ZNF518B: variants seen among roughly 807,000 people sequenced by gnomAD.
ZNF518B encodes zinc finger protein 518B.
Under a neutral mutation model 56.3 loss-of-function variants are expected in ZNF518B, and 23 were observed. The observed-to-expected ratio is 0.41, with a 90% CI of 0.29 to 0.58. The LOEUF (loss-of-function observed/expected upper bound fraction) is 0.58, where lower values mean the gene tolerates loss of function less well. ZNF518B is among the 20% of genes least tolerant of loss of function. The probability of loss-of-function intolerance (pLI) is 0.32; values close to 1 mark genes in which losing one functional copy is unlikely to be tolerated. For synonymous variants in ZNF518B, 529 were observed against 465.9 expected, an observed-to-expected ratio of 1.14 and a Z score of -1.74; for missense variants, 1,460 against 1,272.1, an observed-to-expected ratio of 1.15 and a Z score of -2.25.
chr4:10,441,439 G>GAAGA lies in ZNF518B; in HGVS notation c.*1664_*1665insTCTT, dbSNP rs1553830886. The GAAGA allele has an allele frequency of 1.4e-5, 2 of 140,116 alleles. No homozygotes were observed. The highest frequency in any genetic ancestry group is 2.1e-4 in the East Asian group (1 of 4,846). The allele number at this position is 140,116 out of a possible 1,614,324, so 8.7% of individuals were successfully genotyped here. ...ACTGGAATCTAAGACTTTCCCATGTGAAAAAAAAAAAAAAAAATCAAAGTC... is the reference window on the plus strand; with the variant it reads ...ACTGGAATCTAAGACTTTCCCATGTGAAGAAAAAAAAAAAAAAAAAATCAAAGTC... On this transcript the variant is annotated 3_prime_UTR_variant, in exon 3 of 3. Coordinates refer to ENST00000326756, the MANE Select transcript of ZNF518B (RefSeq NM_053042.3).
intron 2 of ZNF518B, among the ~76,000 whole-genome samples, chr4:10,447,646 C>CT (rs1443157786): frequency 8.6e-6 from 1 of 115,684 alleles, no homozygotes; most frequent in African/African-American, 3.4e-5. Context: ...CACAGAGTGA[C>CT]CTTTTTTTTT....
In ZNF518B at chr4:10,442,229, T is replaced by C. The variant is rs530069185; in HGVS notation, c.*875A>G. ...ACAACTTTATGAGCCTACCTTGAACTGTGTTTGCGAGTTTTACCTATGTTG... is the reference window on the plus strand; with the variant it reads ...ACAACTTTATGAGCCTACCTTGAACCGTGTTTGCGAGTTTTACCTATGTTG... On this transcript the variant is annotated 3_prime_UTR_variant, in exon 3 of 3. Coordinates refer to ENST00000326756, the MANE Select transcript of ZNF518B (RefSeq NM_053042.3). The C allele has an allele frequency of 5.2e-5, 8 of 152,382 alleles. No homozygotes were observed. Among genetic ancestry groups the C allele is most frequent in the African/African-American group, 1.9e-4 (8 of 41,588 alleles). 9.4% of individuals were successfully genotyped at this position (152,382 alleles called of 1,614,324 possible).
At chr4:10,450,819 AT>A (rs1458362961) in intron 2 of ZNF518B, 2 of 152,236 alleles carry the variant, frequency 1.3e-5, no homozygotes, top group Admixed American at 6.5e-5. Flanking sequence ...AAGCCTCTGC[AT>A]TTGGCGTCTT....
intron 2 of ZNF518B, among the ~76,000 whole-genome samples, chr4:10,450,122 C>T (rs951073737): frequency 6.6e-6 from 1 of 152,162 alleles, no homozygotes; most frequent in African/African-American, 2.4e-5. Flanking sequence ...AAGGCAGAGT[C>T]TTGGAGAGGC....
rs1714825768 is a variant in ZNF518B, at chr4:10,444,016, T to C, written c.2313A>G (p.Leu771=). Residue 771 remains leucine, a synonymous_variant, in exon 3 of 3, where the codon TTA becomes TTG. Coordinates refer to ENST00000326756, the MANE Select transcript of ZNF518B (RefSeq NM_053042.3). The stretch of plus-strand genomic sequence containing the variant: ...CCCTCAACACAGCCCCTTTGGGGAT[T>C]AACACTGGCGTGGCAACATGAGCCT... ...ARKAHVATPV[L]IPKGAVLRVL... 3 of 1,614,186 alleles carry C rather than the reference T, an allele frequency of 1.9e-6. No individual in the cohort carries two copies. The highest frequency in any genetic ancestry group is 2.5e-6 in the Non-Finnish European group (3 of 1,180,038).
At chr4:10,459,842 G>A (rs746023854), upstream of ZNF518B, among the ~76,000 whole-genome samples, 4 of 152,132 alleles carry the variant, frequency 2.6e-5, no homozygotes, top group Non-Finnish European at 4.4e-5. Flanking sequence ...CTTCTGAGCC[G>A]ACAGAACTGT....
chr4:10,458,275 G>C (rs1034913487), upstream of ZNF518B, among the ~76,000 whole-genome samples: 1 of 152,156 alleles, frequency 6.6e-6, no homozygotes, highest in Non-Finnish European at 1.5e-5. Flanking sequence ...TGAGGCATGG[G>C]AGCAGCGTCA....
Position 10,443,377 on chromosome 4 carries a change from G to A in ZNF518B, c.2952C>T (p.Gly984=), listed in dbSNP as rs1203371550. ...VLSERTRCQL[G]IRRHHVRLTY... is the part of the protein sequence containing the mutation. The stretch of plus-strand genomic sequence containing the variant: ...TCAGGCGTACATGATGCCGTCTGAT[G>A]CCTAGCTGACACCTAGTCCTCTCTG... The change falls in exon 3 of 3, where the codon GGC becomes GGT. Residue 984 remains glycine (G), a synonymous_variant. Coordinates refer to ENST00000326756, the MANE Select transcript of ZNF518B (RefSeq NM_053042.3). 2 of 1,614,214 alleles carry A rather than the reference G, an allele frequency of 1.2e-6. No individual in the cohort carries two copies. Among genetic ancestry groups the A allele is most frequent in the Admixed American group, 1.7e-5 (1 of 60,028 alleles).
rs1000056824 is a variant in ZNF518B, at chr4:10,442,822, A to C, written c.*282T>G. ...CAGAAAACGGGGTGCTAAACAAAGA[A>C]AAGTCTCAGATCCCACTGAAAATCT... On this transcript the variant is annotated 3_prime_UTR_variant, in exon 3 of 3. Coordinates refer to ENST00000326756, the MANE Select transcript of ZNF518B (RefSeq NM_053042.3). 5.5e-6 allele frequency: 2 copies of C among 363,078 alleles called. No homozygotes were observed. Among genetic ancestry groups the C allele is most frequent in the African/African-American group, 4.1e-5 (2 of 49,068 alleles). 22.5% of individuals were successfully genotyped at this position (363,078 alleles called of 1,614,324 possible).
At chr4:10,449,459 T>C (rs1715207292) in intron 2 of ZNF518B, among the ~76,000 whole-genome samples, 1 of 152,198 alleles carries the variant, frequency 6.6e-6, no homozygotes, top group African/African-American at 2.4e-5. Flanking sequence ...ACCACTTCCC[T>C]CTATAGGCAG....
intron 2 of ZNF518B, chr4:10,451,041 C>T (rs1715281302): frequency 6.6e-6 from 1 of 152,202 alleles, no homozygotes; most frequent in African/African-American, 2.4e-5. Context: ...CGGTGTGTCA[C>T]AGATGTGCTC....
chr4:10,456,566 G>A (rs938101712), intron 1 of ZNF518B, among the ~76,000 whole-genome samples: 1 of 152,126 alleles, frequency 6.6e-6, no homozygotes, highest in Non-Finnish European at 1.5e-5. Flanking sequence ...CCCTCTCAAG[G>A]AAAGACAATG....
Position 10,446,287 on chromosome 4 carries a change from G to GTTC in ZNF518B, c.39_41dup (p.Leu13_Asn14insLys). On this transcript the variant is annotated inframe_insertion, in exon 3 of 3. Transcript: ENST00000326756. ...ACATGGTCAAGGAATTATGTCCGCC[G>GTTC]TTCAAGTGTGTAGTGTATAGCTGCT... The GTTC allele has an allele frequency of 1.2e-6, 2 of 1,614,188 alleles. No individual in the cohort carries two copies. The highest frequency in any genetic ancestry group is 1.7e-6 in the Non-Finnish European group (2 of 1,180,028).
Position 10,444,027 on chromosome 4 carries a change from T to C in ZNF518B, c.2302A>G (p.Thr768Ala), listed in dbSNP as rs1444336347. 3 of 1,614,126 alleles carry C rather than the reference T, an allele frequency of 1.9e-6. No individual in the cohort carries two copies. In the Admixed American group the frequency reaches 5.0e-5, roughly 27 times the overall value. The change falls in exon 3 of 3, where the codon ACG becomes GCG. Residue 768 changes from threonine to alanine, a missense_variant. Coordinates refer to ENST00000326756, the MANE Select transcript of ZNF518B (RefSeq NM_053042.3). Reference sequence around the variant, plus strand: ...GCCCCTTTGGGGATTAACACTGGCGTGGCAACATGAGCCTTCCTGGCCACT... The same window carrying C: ...GCCCCTTTGGGGATTAACACTGGCGCGGCAACATGAGCCTTCCTGGCCACT... ...SRVARKAHVA[T>A]PVLIPKGAVL... is the part of the protein sequence containing the mutation.
chr4:10,447,082 A>T (rs150074960), intron 2 of ZNF518B, among the ~76,000 whole-genome samples: 7 of 152,348 alleles, frequency 4.6e-5, no homozygotes, highest in African/African-American at 7.2e-5. Context: ...TAATACTGAC[A>T]ATGTTAGCAA....
At chr4:10,451,201 G>A (rs993152703) in intron 2 of ZNF518B, 5 of 152,068 alleles carry the variant, frequency 3.3e-5, no homozygotes, top group African/African-American at 1.2e-4. Context: ...ACAAAGTATC[G>A]AGTTTGGGAG....
intron 2 of ZNF518B, among the ~76,000 whole-genome samples, chr4:10,448,162 T>C (rs1715151368): frequency 1.3e-5 from 2 of 152,172 alleles, no homozygotes; most frequent in Non-Finnish European, 2.9e-5. Flanking sequence ...CCATGATGAT[T>C]AGAATGCTAG....
upstream of ZNF518B, among the ~76,000 whole-genome samples, chr4:10,460,899 T>G (rs1715724639): frequency 6.6e-6 from 1 of 152,256 alleles, no homozygotes; most frequent in Non-Finnish European, 1.5e-5. Context: ...CAAAACTTTA[T>G]GCATGGACAG....
In ZNF518B at chr4:10,443,687, G is replaced by C. The variant is rs767905929; in HGVS notation, c.2642C>G (p.Ser881Cys). The C allele has an allele frequency of 6.2e-7, 1 of 1,614,064 alleles. No individual in the cohort carries two copies. Among genetic ancestry groups the C allele is most frequent in the Admixed American group, 1.7e-5 (1 of 60,016 alleles). Residue 881 changes from serine to cysteine, a missense_variant, in exon 3 of 3, where the codon TCC (serine) becomes TGC (cysteine). Physicochemically the swap from Ser to Cys is moderately radical, Grantham distance 112 (BLOSUM62 -1). Transcript: ENST00000326756. The stretch of plus-strand genomic sequence containing the variant: ...ATTTCTACTTATAGAAAGACTTCTG[G>C]AAAGCAGTCTCCCTTGCTTATTTAA... ...SELNKQGRLL[S>C]RSLSISRNKT...
Sources: gnomAD v4.1 joint callset for allele counts (sites outside exome capture counted in the v4.1 genomes callset) on GRCh38, gnomAD v4.1.1 for gene constraint, MANE v1.5 for transcripts, NCBI Gene and HGNC (gene_info 2026-07-23, HGNC 2026-07-21) for gene names.